The following CA10 variants were observed in gnomAD, a reference collection of about 807,000 sequenced individuals.
The protein encoded by CA10 is carbonic anhydrase-related protein 10.
A neutral mutation model predicts 44.2 loss-of-function variants in CA10; 14 were observed. The observed-to-expected ratio is 0.32, with a 90% CI of 0.21 to 0.50. The LOEUF is 0.50. Among genes scored for constraint, CA10 ranks in the 20% least tolerant of loss-of-function variants. CA10 has a pLI of 0.99. For missense variants in CA10, 350 were observed against 409.7 expected, an observed-to-expected ratio of 0.85 and a Z score of 1.26; for synonymous variants, 159 against 141.6, an observed-to-expected ratio of 1.12 and a Z score of -0.87.
chr17:52,060,636 G>A (rs904130241), intron 2 of CA10, among the ~76,000 whole-genome samples: 1 of 152,128 alleles, frequency 6.6e-6, no homozygotes, highest in African/African-American at 2.4e-5. Flanking sequence ...CCAAATGCTA[G>A]ATCATGTCTA....
At chr17:51,714,519 A>G (rs1916037034) in intron 4 of CA10, among the ~76,000 whole-genome samples, 1 of 152,098 alleles carries the variant, frequency 6.6e-6, no homozygotes, top group Non-Finnish European at 1.5e-5. Context: ...CCTCATCACT[A>G]TGGTTATTTT....
At chr17:52,094,404 A>C (rs1212139099) in intron 1 of CA10, among the ~76,000 whole-genome samples, 1 of 152,158 alleles carries the variant, frequency 6.6e-6, no homozygotes, top group East Asian at 1.9e-4. Context: ...TATCGTCAGG[A>C]AACTGGAGTA....
At chr17:51,731,031 G>A (rs531601224) in intron 4 of CA10, among the ~76,000 whole-genome samples, 1 of 152,268 alleles carries the variant, frequency 6.6e-6, no homozygotes, top group South Asian at 2.1e-4. Flanking sequence ...ATGACAGGGA[G>A]CTAGAAAGAT....
At chr17:51,942,887 T>C (rs1983137096) in intron 2 of CA10, among the ~76,000 whole-genome samples, 1 of 152,080 alleles carries the variant, frequency 6.6e-6, no homozygotes, top group Admixed American at 6.6e-5. Flanking sequence ...TCCATTCCAA[T>C]ACTTGACACA....
intron 4 of CA10, among the ~76,000 whole-genome samples, chr17:51,707,671 ATGTGTGTG>A (rs3031847): frequency 3.6e-4 from 51 of 143,006 alleles, no homozygotes; most frequent in Admixed American, 8.3e-4. Context: ...GTGGATGAAT[ATGTGTGTG>A]TGTGTGTGTG....
chr17:52,017,797 G>A (rs1119917), intron 2 of CA10, among the ~76,000 whole-genome samples: 151,228 of 152,186 alleles, frequency 0.99, 75,141 homozygotes, highest in East Asian at 1. Context: ...TCATGCACTC[G>A]TAGCCAAGAC....
chr17:52,065,987 C>A (rs1287990379), intron 2 of CA10, among the ~76,000 whole-genome samples: 3 of 152,190 alleles, frequency 2.0e-5, no homozygotes, highest in African/African-American at 7.2e-5. Context: ...CTTCTCCTTC[C>A]TGCTGCCCTG....
chr17:52,138,384 T>C (rs1320453629), intron 1 of CA10, among the ~76,000 whole-genome samples: 1 of 152,202 alleles, frequency 6.6e-6, no homozygotes, highest in Non-Finnish European at 1.5e-5. Context: ...AATAAACATA[T>C]TCATAGGTTC....
At chr17:52,094,906 T>C (rs1229476901) in intron 1 of CA10, among the ~76,000 whole-genome samples, 3 of 152,180 alleles carry the variant, frequency 2.0e-5, no homozygotes, top group Admixed American at 2.0e-4. Flanking sequence ...TTTGGCCTTA[T>C]CTTCTACAGT....
At chr17:51,693,160 G>A (rs564351368) in intron 4 of CA10, among the ~76,000 whole-genome samples, 2 of 152,298 alleles carry the variant, frequency 1.3e-5, no homozygotes, top group Non-Finnish European at 2.9e-5. Flanking sequence ...GTTTTAGCCA[G>A]CTTCAGCCAA....
intron 2 of CA10, among the ~76,000 whole-genome samples, chr17:52,056,483 A>AT (rs1987234630): frequency 6.6e-6 from 1 of 152,008 alleles, no homozygotes. Flanking sequence ...GTGTTGTGAA[A>AT]TTTTCAAAGT....
intron 3 of CA10, among the ~76,000 whole-genome samples, chr17:51,889,027 G>A (rs1196608913): frequency 1.3e-5 from 2 of 152,144 alleles, no homozygotes; most frequent in Non-Finnish European, 2.9e-5. Context: ...CTCAGCTGGT[G>A]CTGCCAATCA....
chr17:51,721,358 A>T (rs559308531), intron 4 of CA10, among the ~76,000 whole-genome samples: 2 of 152,168 alleles, frequency 1.3e-5, no homozygotes, highest in East Asian at 1.9e-4. Context: ...TATTTTATTT[A>T]TTTTTGAGAC....
intron 1 of CA10, among the ~76,000 whole-genome samples, chr17:52,121,474 G>A (rs111740061): frequency 5.3e-5 from 8 of 152,252 alleles, no homozygotes; most frequent in African/African-American, 1.9e-4. Context: ...CTGCAGAACA[G>A]AGTTGCTGAA....
chr17:52,122,515 G>A (rs1291562035), intron 1 of CA10, among the ~76,000 whole-genome samples: 1 of 152,028 alleles, frequency 6.6e-6, no homozygotes, highest in East Asian at 1.9e-4. Flanking sequence ...GTTTCCTGGT[G>A]GCACCCTCTT....
At chr17:51,688,320 G>A (rs554000005) in intron 4 of CA10, among the ~76,000 whole-genome samples, 1 of 152,276 alleles carries the variant, frequency 6.6e-6, no homozygotes, top group African/African-American at 2.4e-5. Flanking sequence ...GTGAGGTAAT[G>A]TTTTTTAAGT....
chr17:51,811,185 A>AT (rs1425644464), intron 3 of CA10, among the ~76,000 whole-genome samples: 1 of 113,490 alleles, frequency 8.8e-6, no homozygotes, highest in East Asian at 2.8e-4. Context: ...GACAGACTCC[A>AT]TCTCGAAAAA....
chr17:52,118,061 A>C (rs1988935959), intron 1 of CA10, among the ~76,000 whole-genome samples: 1 of 152,230 alleles, frequency 6.6e-6, no homozygotes, highest in African/African-American at 2.4e-5. Flanking sequence ...CTTTAGCAAA[A>C]TTTGTAGAGG....
chr17:51,715,702 T>G (rs982064783), intron 4 of CA10, among the ~76,000 whole-genome samples: 1 of 152,222 alleles, frequency 6.6e-6, no homozygotes, highest in Non-Finnish European at 1.5e-5. Flanking sequence ...TTCATTCTTT[T>G]TTTTTTCAGA....
Sources: allele counts gnomAD v4.1 joint callset (sites outside exome capture counted in the v4.1 genomes callset), GRCh38; gene constraint gnomAD v4.1.1; transcripts MANE v1.5; gene names NCBI Gene and HGNC (gene_info 2026-07-23, HGNC 2026-07-21).